MS4A13: variants seen among roughly 807,000 people sequenced by gnomAD.
The protein encoded by MS4A13 is membrane-spanning 4-domains subfamily A member 13.
In MS4A13, 21 loss-of-function variants were observed where a neutral mutation model predicts 18.4. The ratio of observed to expected loss-of-function variants is 1.14; its 90% CI spans 0.81 to 1.64. The LOEUF (loss-of-function observed/expected upper bound fraction) is 1.64, where lower values mean the gene tolerates loss of function less well. Ranked by LOEUF, MS4A13 falls within the 40% of genes most tolerant of loss-of-function variation. The pLI, the probability that MS4A13 is intolerant of heterozygous loss-of-function variation, is 0.00. For synonymous variants in MS4A13, 62 were observed against 57.2 expected, an observed-to-expected ratio of 1.08 and a Z score of -0.38; for missense variants, 173 against 176.8, an observed-to-expected ratio of 0.98 and a Z score of 0.12.
intron 5 of MS4A13, 107 bp from the exon 6 acceptor site, chr11:60,529,255 CTTT>C (rs10667098): frequency 4.8e-3 from 817 of 171,930 alleles, no homozygotes; most frequent in Middle Eastern, 0.015. Flanking sequence ...ATTTTCCTTC[CTTT>C]TTTTTTTTTT....
intron 6 of MS4A13, among the ~76,000 whole-genome samples, chr11:60,540,525 C>T (rs1014604356): frequency 6.6e-6 from 1 of 152,114 alleles, no homozygotes; most frequent in Admixed American, 6.5e-5. Context: ...ATTGAATTAG[C>T]ATTCATCTGA....
intron 6 of MS4A13, among the ~76,000 whole-genome samples, chr11:60,529,768 T>C (rs1179910708): frequency 6.6e-6 from 1 of 152,236 alleles, no homozygotes; most frequent in African/African-American, 2.4e-5. Flanking sequence ...TTCTCTTTAC[T>C]AATTGTATGT....
At chr11:60,524,494 A>AT (rs2086699251) in intron 4 of MS4A13, among the ~76,000 whole-genome samples, 1 of 152,116 alleles carries the variant, frequency 6.6e-6, no homozygotes, top group African/African-American at 2.4e-5. Context: ...ATACTGATAG[A>AT]TTTCCTTAGA....
intron 6 of MS4A13, among the ~76,000 whole-genome samples, chr11:60,538,447 G>C (rs941576500): frequency 1.3e-5 from 2 of 151,186 alleles, no homozygotes; most frequent in Non-Finnish European, 2.9e-5. Flanking sequence ...AAAGTAGTAA[G>C]TATATGAGGT....
intron 3 of MS4A13, among the ~76,000 whole-genome samples, chr11:60,522,509 G>A (rs35723029): frequency 1.6e-3 from 248 of 152,156 alleles, no homozygotes; most frequent in African/African-American, 4.9e-3. Context: ...CCCACACTTC[G>A]AACAGATGGA....
intron 6 of MS4A13, among the ~76,000 whole-genome samples, chr11:60,531,794 T>A (rs570909566): frequency 6.6e-6 from 1 of 152,322 alleles, no homozygotes; most frequent in Middle Eastern, 3.4e-3. Context: ...TAGTCTCTTC[T>A]AAGCTCACCA....
intron 6 of MS4A13, among the ~76,000 whole-genome samples, 174 bp from the exon 7 acceptor site, chr11:60,542,341 GAGAA>G (rs1231637612): frequency 3.3e-5 from 5 of 151,732 alleles, no homozygotes; most frequent in Admixed American, 6.6e-5. Flanking sequence ...GAAAGAGAAA[GAGAA>G]AGAAAGGAAG....
chr11:60,521,427 C>A (rs1750625779), intron 3 of MS4A13, among the ~76,000 whole-genome samples: 1 of 152,214 alleles, frequency 6.6e-6, no homozygotes. Context: ...GCATCCAAGT[C>A]ACCTCTTGAA....
At chr11:60,516,527 G>C (rs926893261) in intron 2 of MS4A13, among the ~76,000 whole-genome samples, 4 of 152,156 alleles carry the variant, frequency 2.6e-5, no homozygotes, top group Non-Finnish European at 5.9e-5. Flanking sequence ...TTTGAATGTT[G>C]CATAGATCAA....
At chr11:60,530,071 A>G (rs998432780) in intron 6 of MS4A13, among the ~76,000 whole-genome samples, 4 of 152,228 alleles carry the variant, frequency 2.6e-5, no homozygotes, top group Non-Finnish European at 5.9e-5. Flanking sequence ...CCAAAATGCT[A>G]TAACAACTCA....
intron 3 of MS4A13, among the ~76,000 whole-genome samples, chr11:60,522,681 C>A (rs544143434): frequency 8.2e-4 from 125 of 152,054 alleles, no homozygotes; most frequent in African/African-American, 3.0e-3. Flanking sequence ...AATTTTTGCA[C>A]AAAATCCAGA....
At chr11:60,538,947 G>C (rs893001434) in intron 6 of MS4A13, among the ~76,000 whole-genome samples, 19 of 132,038 alleles carry the variant, frequency 1.4e-4, no homozygotes, top group Non-Finnish European at 2.4e-4. Flanking sequence ...TAGGAGCTGA[G>C]AGCAGCTGCC....
intron 6 of MS4A13, among the ~76,000 whole-genome samples, chr11:60,533,398 A>G (rs1205445489): frequency 2.5e-5 from 3 of 120,106 alleles, no homozygotes; most frequent in Non-Finnish European, 5.1e-5. Flanking sequence ...GAGCCGATGC[A>G]ATCAACTGGA....
chr11:60,531,434 C>A (rs1028274714), intron 6 of MS4A13, among the ~76,000 whole-genome samples: 2 of 152,140 alleles, frequency 1.3e-5, no homozygotes, highest in Non-Finnish European at 2.9e-5. Flanking sequence ...ACTAAGGAGA[C>A]AGGAGAAGGT....
rs767768724 is a variant in MS4A13 at position 60,529,387 on chromosome 11, G to C, written c.329G>C (p.Arg110Pro). The change falls in exon 6 of 7, where the codon CGT (arginine) becomes CCT (proline). Residue 110 changes from arginine (R) to proline (P), a missense_variant. Arg to Pro is a moderately radical substitution (Grantham distance 103). Coordinates refer to ENST00000378186, the MANE Select transcript of MS4A13 (RefSeq NM_001012417.3). The stretch of plus-strand genomic sequence containing the variant: ...TAGAAACTTGGGAGGGAAGTATCAC[G>C]TATTTTACTGTTCTTCTACGGTTTG... The part of the protein sequence containing the change: ...GQAKLGREVS[R>P]ILLFFYGLEF... The C allele has an allele frequency of 6.3e-7, 1 of 1,599,760 alleles. No individual in the cohort carries two copies. Among genetic ancestry groups the C allele is most frequent in the Non-Finnish European group, 8.5e-7 (1 of 1,173,138 alleles).
At chr11:60,524,129 T>C (rs1022117332) in intron 4 of MS4A13, among the ~76,000 whole-genome samples, 176 bp downstream of exon 4, 1 of 152,218 alleles carries the variant, frequency 6.6e-6, no homozygotes, top group African/African-American at 2.4e-5. Context: ...ATATACTGTA[T>C]TGGTTAAAAT....
intron 2 of MS4A13, among the ~76,000 whole-genome samples, 187 bp downstream of exon 2, chr11:60,516,271 G>C (rs1340566276): frequency 6.6e-6 from 1 of 151,866 alleles, no homozygotes; most frequent in African/African-American, 2.4e-5. Flanking sequence ...CTGAGATATG[G>C]GGATACAGAC....
intron 3 of MS4A13, among the ~76,000 whole-genome samples, chr11:60,521,374 CT>C (rs2086672791): frequency 3.3e-5 from 5 of 152,148 alleles, no homozygotes; most frequent in Admixed American, 2.0e-4. Context: ...TTTTTTTGAA[CT>C]TTTATGCTGT....
intron 3 of MS4A13, among the ~76,000 whole-genome samples, chr11:60,521,266 C>T (rs895490716): frequency 6.6e-6 from 1 of 152,202 alleles, no homozygotes; most frequent in African/African-American, 2.4e-5. Context: ...TGAGAATTAA[C>T]ATTCAGCTCC....
Sources: allele counts gnomAD v4.1 joint callset (sites outside exome capture counted in the v4.1 genomes callset), GRCh38; gene constraint gnomAD v4.1.1; transcripts MANE v1.5; gene names NCBI Gene and HGNC (gene_info 2026-07-23, HGNC 2026-07-21).